Variants in ENPP1 observed in about 807,000 individuals in gnomAD.
ENPP1 encodes the protein ectonucleotide pyrophosphatase/phosphodiesterase 1, also known as ectonucleotide pyrophosphatase/phosphodiesterase family member 1.
A neutral mutation model predicts 122.8 loss-of-function variants in ENPP1; 73 were observed. That is an observed-to-expected ratio of 0.59 (90% CI 0.49 to 0.72). The LOEUF (loss-of-function observed/expected upper bound fraction) is 0.72. Ranked by LOEUF, ENPP1 falls within the 30% of genes least tolerant of loss-of-function variation. ENPP1 has a pLI of 0.00. For missense variants in ENPP1, 978 were observed against 1,128.1 expected (o/e 0.87, Z 1.91); for synonymous variants, 367 against 391.6 (o/e 0.94, Z 0.74).
At chr6:131,824,417 T>G (rs1781519541) in intron 1 of ENPP1, among the ~76,000 whole-genome samples, 1 of 152,106 alleles carries the variant, frequency 6.6e-6, no homozygotes, top group Admixed American at 6.5e-5. Flanking sequence ...GTGGGAAATG[T>G]TGCCAGAGCC....
In ENPP1 at chr6:131,887,660, G is replaced by A. The variant is rs549541958; in HGVS notation, c.2607+936G>A. Among the ~76,000 whole-genome samples, 448 of 128,786 alleles carry A rather than the reference G, an allele frequency of 3.5e-3. 3 individuals are homozygous for A. The highest frequency in any genetic ancestry group is 5.1e-3 in the South Asian group (20 of 3,960). 84.5% of individuals were successfully genotyped at this position (128,786 alleles called of 152,430 possible). On this transcript the variant is annotated intron_variant, in intron 24 of 24. Transcript: ENST00000647893. ...TGCAAGCTCCGCCTTCTGGGCTCAC[G>A]CCATTCTCCTGCCTCAGCCTCCCGA...
At chr6:131,828,365 A>G in intron 1 of ENPP1, 1 of 406,672 alleles carries the variant, frequency 2.5e-6, no homozygotes, top group Admixed American at 2.8e-5. Flanking sequence ...ATGTGATAAG[A>G]TGACTGGGTG....
intron 17 of ENPP1, 42 bp downstream of exon 17, chr6:131,875,905 C>T (rs761162147): frequency 6.8e-7 from 1 of 1,461,476 alleles, no homozygotes; most frequent in Admixed American, 1.7e-5. Context: ...TGAAAATAGA[C>T]CTGAAATAGG....
intron 1 of ENPP1, among the ~76,000 whole-genome samples, chr6:131,823,739 G>A (rs547603666): frequency 1.3e-5 from 2 of 151,972 alleles, no homozygotes; most frequent in African/African-American, 4.8e-5. Context: ...TCCTGTTGAG[G>A]CCATAGAGCT....
In ENPP1 at chr6:131,894,727, AG is replaced by A. The variant is rs1202547062; in HGVS notation, c.*4220del. The A allele has an allele frequency of 2.6e-5, 4 of 152,236 alleles. No individual in the cohort carries two copies. Among genetic ancestry groups the A allele is most frequent in the African/African-American group, 9.6e-5 (4 of 41,476 alleles). The allele number at this position is 152,236 out of a possible 1,614,324, so 9.4% of individuals were successfully genotyped here. The stretch of plus-strand genomic sequence containing the variant: ...AAGAAGGCAGCTGCTCATTTCCAGC[AG>A]GGGAAGTAGCTGCATAGAGTACAAG... On this transcript the variant is annotated 3_prime_UTR_variant, in exon 25 of 25. Coordinates refer to ENST00000647893, the MANE Select transcript of ENPP1 (RefSeq NM_006208.3).
intron 2 of ENPP1, 121 bp downstream of exon 2, chr6:131,847,969 T>C: frequency 1.4e-6 from 1 of 724,850 alleles, no homozygotes; most frequent in South Asian, 1.9e-5. Flanking sequence ...ACTCCATAGA[T>C]ATTGTCAATT....
At chr6:131,861,009 G>A (rs995718314) in intron 8 of ENPP1, among the ~76,000 whole-genome samples, 1 of 151,844 alleles carries the variant, frequency 6.6e-6, no homozygotes, top group Non-Finnish European at 1.5e-5. Context: ...ATTATATAAG[G>A]TCTATTTAAA....
intron 1 of ENPP1, among the ~76,000 whole-genome samples, chr6:131,831,758 T>C (rs1351725133): frequency 6.6e-6 from 1 of 152,236 alleles, no homozygotes; most frequent in African/African-American, 2.4e-5. Context: ...GGTCTTGTCA[T>C]TGATGATGTT....
chr6:131,811,749 C>T (rs1781357246), intron 1 of ENPP1, among the ~76,000 whole-genome samples: 1 of 152,172 alleles, frequency 6.6e-6, no homozygotes. Context: ...GTCCCATGCT[C>T]ATGTCCCTCT....
chr6:131,887,863 C>CT (rs1195117417), intron 24 of ENPP1, among the ~76,000 whole-genome samples: 65 of 133,876 alleles, frequency 4.9e-4, no homozygotes, highest in African/African-American at 1.9e-3. Context: ...CCGTGCCTGG[C>CT]CTTTTTTTTT....
chr6:131,879,883 A>G lies in ENPP1; in HGVS notation c.1949A>G (p.Lys650Arg). The G allele has an allele frequency of 2.5e-6, 4 of 1,613,210 alleles. No homozygotes were observed. Among genetic ancestry groups the G allele is most frequent in the Non-Finnish European group, 3.4e-6 (4 of 1,179,166 alleles). The part of the protein sequence containing the change: ...TQFNLTVAEE[K>R]IIKHETLPYG... ...TATTTTCATCCTGTGACCCAAGAGA[A>G]GATTATTAAGCATGAAACTTTACCC... Residue 650 changes from lysine to arginine, a missense_variant, in exon 20 of 25, where the codon AAG (lysine) becomes AGG (arginine). Lys to Arg is a conservative substitution (Grantham distance 26, BLOSUM62 2). Around this residue, in one of 3 missense-constraint regions of ENPP1, gnomAD observed 644 missense variants for 781.5 expected, o/e 0.82. Transcript: ENST00000647893.
intron 16 of ENPP1, among the ~76,000 whole-genome samples, chr6:131,874,600 A>G (rs1336581789): frequency 6.6e-6 from 1 of 152,186 alleles, no homozygotes; most frequent in Non-Finnish European, 1.5e-5. Flanking sequence ...GGGAATGTAA[A>G]TTAGTACAAC....
chr6:131,826,640 CCAT>C (rs772473193), intron 1 of ENPP1: 11 of 851,684 alleles, frequency 1.3e-5, no homozygotes, highest in South Asian at 3.0e-5. Flanking sequence ...TTCTTATTGA[CCAT>C]CATTTTCAAG....
intron 19 of ENPP1, among the ~76,000 whole-genome samples, chr6:131,879,127 A>G (rs1782270265): frequency 6.6e-6 from 1 of 152,132 alleles, no homozygotes; most frequent in South Asian, 2.1e-4. Flanking sequence ...TTTTTCTACT[A>G]GAATAAAGAG....
chr6:131,873,575 T>A (rs961809450), intron 15 of ENPP1, among the ~76,000 whole-genome samples: 1 of 152,178 alleles, frequency 6.6e-6, no homozygotes, highest in African/African-American at 2.4e-5. Context: ...CACGTTGTTT[T>A]TTCATTCTTC....
chr6:131,855,008 G>T lies in ENPP1; in HGVS notation c.700G>T (p.Val234Phe). Residue 234 changes from valine (V) to phenylalanine (F), a missense_variant, in exon 6 of 25, where the codon GTT becomes TTT. Val to Phe is a conservative substitution (Grantham distance 50). This residue lies in a region of ENPP1 where 330 missense variants were observed against 328.5 expected (regional missense o/e 1.00). Transcript: ENST00000647893. ...YLHTWGGLLP[V>F]ISKLKKCGTY... ...ACACACTTGGGGTGGACTTCTTCCT[G>T]TTATTAGCAAACTAAGTGAGTAACT... 1 of 1,608,168 alleles carries T rather than the reference G, an allele frequency of 6.2e-7. No homozygotes were observed. Among genetic ancestry groups the T allele is most frequent in the Non-Finnish European group, 8.5e-7 (1 of 1,174,774 alleles).
chr6:131,877,618 T>A (rs1394246751), intron 18 of ENPP1: 1 of 157,538 alleles, frequency 6.3e-6, no homozygotes, highest in Non-Finnish European at 1.4e-5. Context: ...TATATTACAC[T>A]GTCCTTTTTT....
rs534270644 is a variant in ENPP1 at position 131,871,539 on chromosome 6, C to T, written c.1406-531C>T. ...CTCATTTCCCCTCTCTAGAAACAAC[C>T]GTTGTTAAGCTTGGATTATGTCTTC... On this transcript the variant is annotated intron_variant, in intron 13 of 24. Transcript: ENST00000647893. Among the ~76,000 whole-genome samples the T allele has an allele frequency of 9.2e-5, 14 of 152,260 alleles. No individual in the cohort carries two copies. The South Asian group carries it at 1.9e-3, about 20-fold the overall frequency.
At chr6:131,870,245 A>G (rs62424493) in intron 13 of ENPP1, among the ~76,000 whole-genome samples, 7,520 of 152,290 alleles carry the variant, frequency 0.049, 278 homozygotes, top group African/African-American at 0.1. Flanking sequence ...GATTAATTCT[A>G]TAGGCAATTG....
Sources: allele counts gnomAD v4.1 joint callset (sites outside exome capture counted in the v4.1 genomes callset), GRCh38; gene constraint gnomAD v4.1.1; regional missense constraint gnomAD v4.1.1; transcripts MANE v1.5; gene names NCBI Gene and HGNC (gene_info 2026-07-23, HGNC 2026-07-21).